The following RBMS1 variants were observed in gnomAD, a reference collection of about 807,000 sequenced individuals.
RBMS1 encodes RNA binding motif single stranded interacting protein 1.
In RBMS1, 17 loss-of-function variants were observed where a neutral mutation model predicts 62.3. The ratio of observed to expected loss-of-function variants is 0.27; its 90% confidence interval spans 0.19 to 0.41. The LOEUF (loss-of-function observed/expected upper bound fraction) is 0.41, where lower values mean the gene tolerates loss of function less well. Ranked by LOEUF, RBMS1 falls within the 10% of genes least tolerant of loss-of-function variation. The pLI, the probability that RBMS1 is intolerant of heterozygous loss-of-function variation, is 1.00. For synonymous variants in RBMS1, 172 were observed against 170.0 expected (o/e 1.01, Z -0.09); for missense variants, 334 against 504.5 (o/e 0.66, Z 3.24).
chr2:160,335,515 A>C (rs1321152920), intron 2 of RBMS1, among the ~76,000 whole-genome samples: 1 of 152,140 alleles, frequency 6.6e-6, no homozygotes, highest in Admixed American at 6.6e-5. Flanking sequence ...CATAAGACCA[A>C]CTCGTTCCTG....
chr2:160,300,866 G>C, intron 5 of RBMS1, 136 bp from the exon 6 acceptor site: 1 of 995,774 alleles, frequency 1.0e-6, no homozygotes, highest in Non-Finnish European at 1.4e-6. Flanking sequence ...ATGATAAAGG[G>C]TCTATTCTAC....
At chr2:160,371,852 G>T (rs1693741776) in intron 1 of RBMS1, among the ~76,000 whole-genome samples, 1 of 151,986 alleles carries the variant, frequency 6.6e-6, no homozygotes, top group African/African-American at 2.4e-5. Flanking sequence ...AGCCCCACTG[G>T]GCCTCCTACA....
At chr2:160,321,265 C>G (rs1405268509) in intron 2 of RBMS1, among the ~76,000 whole-genome samples, 1 of 151,454 alleles carries the variant, frequency 6.6e-6, no homozygotes, top group Admixed American at 6.5e-5. Context: ...GTGCACCTCC[C>G]TTCTCTGTGG....
intron 1 of RBMS1, among the ~76,000 whole-genome samples, chr2:160,384,606 G>C (rs1694468988): frequency 6.6e-6 from 1 of 152,176 alleles, no homozygotes; most frequent in African/African-American, 2.4e-5. Context: ...TCACTAACTA[G>C]GTGACCTTGG....
rs143760319 is a variant in RBMS1, at chr2:160,463,506, G to A, written c.75+29783C>T. ...TGAGTTCAACAGCAACTTTGCGGCC[G>A]GGCGCGGTGGCTCAGGCCTATAATC... On this transcript the variant is annotated intron_variant, in intron 1 of 13. Coordinates refer to ENST00000348849, the MANE Select transcript of RBMS1 (RefSeq NM_016836.4). Among the ~76,000 whole-genome samples the A allele has an allele frequency of 6.8e-3, 1,036 of 152,240 alleles. 13 individuals are homozygous for A. Among genetic ancestry groups the A allele is most frequent in the African/African-American group, 0.024 (992 of 41,548 alleles).
chr2:160,398,689 T>A (rs888170028), intron 1 of RBMS1, among the ~76,000 whole-genome samples: 41 of 152,124 alleles, frequency 2.7e-4, no homozygotes, highest in African/African-American at 9.4e-4. Flanking sequence ...ATAATAATAA[T>A]GATGATGATG....
At chr2:160,359,538 T>C (rs1482845595) in intron 2 of RBMS1, among the ~76,000 whole-genome samples, 1 of 152,208 alleles carries the variant, frequency 6.6e-6, no homozygotes, top group Admixed American at 6.5e-5. Context: ...CATTCTTTTG[T>C]ATTGAAAATA....
intron 1 of RBMS1, chr2:160,408,705 C>A (rs890914345): frequency 6.6e-6 from 1 of 152,170 alleles, no homozygotes; most frequent in Non-Finnish European, 1.5e-5. Context: ...CCCTTTGTTT[C>A]CCGATGTAAA....
At chr2:160,422,957 C>T (rs1269895198) in intron 1 of RBMS1, among the ~76,000 whole-genome samples, 2 of 152,144 alleles carry the variant, frequency 1.3e-5, no homozygotes, top group Admixed American at 6.5e-5. Flanking sequence ...TAATCCTACC[C>T]CTACAATGAT....
At chr2:160,309,321 C>G (rs1364797633) in intron 4 of RBMS1, among the ~76,000 whole-genome samples, 2 of 152,154 alleles carry the variant, frequency 1.3e-5, no homozygotes, top group Non-Finnish European at 2.9e-5. Context: ...TCTCAGGAAC[C>G]TGAATGGATA....
chr2:160,298,416 T>C (rs1243307298), intron 6 of RBMS1, among the ~76,000 whole-genome samples: 2 of 152,102 alleles, frequency 1.3e-5, no homozygotes, highest in Non-Finnish European at 2.9e-5. Context: ...TGAGAGTCAA[T>C]GACTATGAAT....
At chr2:160,491,122 G>C (rs1189853871) in intron 1 of RBMS1, among the ~76,000 whole-genome samples, 1 of 151,420 alleles carries the variant, frequency 6.6e-6, no homozygotes, top group African/African-American at 2.4e-5. Context: ...AAAAAAAAAG[G>C]GCTGCCTGTT....
At chr2:160,363,297 G>A (rs994377257) in intron 2 of RBMS1, among the ~76,000 whole-genome samples, 3 of 152,160 alleles carry the variant, frequency 2.0e-5, no homozygotes, top group African/African-American at 4.8e-5. Context: ...CAGACATGTG[G>A]CTAAGTAATG....
chr2:160,401,352 T>C (rs954049626), intron 1 of RBMS1, among the ~76,000 whole-genome samples: 1 of 152,232 alleles, frequency 6.6e-6, no homozygotes, highest in African/African-American at 2.4e-5. Context: ...TGTCGTTATA[T>C]TAAGTGTTAA....
chr2:160,416,292 A>T lies in RBMS1; in HGVS notation c.76-48901T>A, dbSNP rs886795249. The T allele has an allele frequency of 4.6e-5, 7 of 152,048 alleles. No homozygotes were observed. In the Admixed American group the frequency reaches 4.6e-4, roughly 10 times the overall value. 9.4% of individuals were successfully genotyped at this position (152,048 alleles called of 1,614,324 possible). ...CTGACAACATATTAGATACTCCCAG[A>T]ACCACCCTTCCTTCACCTCCCAATC... On this transcript the variant is annotated intron_variant, in intron 1 of 13. Coordinates refer to ENST00000348849, the MANE Select transcript of RBMS1 (RefSeq NM_016836.4).
At chr2:160,457,040 T>C (rs573324904) in intron 1 of RBMS1, among the ~76,000 whole-genome samples, 7 of 152,248 alleles carry the variant, frequency 4.6e-5, no homozygotes, top group African/African-American at 1.7e-4. Context: ...GCTGAAAAGA[T>C]TGACAGGCCT....
intron 1 of RBMS1, among the ~76,000 whole-genome samples, chr2:160,411,957 G>A (rs1421940111): frequency 6.6e-6 from 1 of 152,132 alleles, no homozygotes; most frequent in Non-Finnish European, 1.5e-5. Flanking sequence ...AAAGGAAAAC[G>A]AAAGTCTAAA....
At chr2:160,431,682 T>C (rs1232404564) in intron 1 of RBMS1, among the ~76,000 whole-genome samples, 1 of 152,212 alleles carries the variant, frequency 6.6e-6, no homozygotes, top group Non-Finnish European at 1.5e-5. Context: ...ATCTGGACTT[T>C]CAGTTCCTTA....
At chr2:160,351,750 T>C (rs972135797) in intron 2 of RBMS1, among the ~76,000 whole-genome samples, 2 of 152,074 alleles carry the variant, frequency 1.3e-5, no homozygotes, top group East Asian at 3.9e-4. Context: ...TGGAAATGCA[T>C]TAGATATCCA....
Sources: allele counts gnomAD v4.1 joint callset (sites outside exome capture counted in the v4.1 genomes callset), GRCh38; gene constraint gnomAD v4.1.1; transcripts MANE v1.5; gene names NCBI Gene and HGNC (gene_info 2026-07-23, HGNC 2026-07-21).